Variants in FCRL5 observed in about 807,000 individuals in gnomAD.
The protein encoded by FCRL5 is Fc receptor-like protein 5.
FCRL5 carries 79 observed loss-of-function variants against 92.1 expected under a neutral mutation model. The ratio of observed to expected loss-of-function variants is 0.86; its 90% CI spans 0.72 to 1.03. The LOEUF (loss-of-function observed/expected upper bound fraction) is 1.03. Ranked by LOEUF, FCRL5 falls within the 50% of genes least tolerant of loss-of-function variation. The probability of loss-of-function intolerance (pLI) is 0.00; values close to 1 mark genes in which losing one functional copy is unlikely to be tolerated. For synonymous variants in FCRL5, 466 were observed against 469.3 expected, an observed-to-expected ratio of 0.99 and a Z score of 0.09; for missense variants, 1,160 against 1,181.1, an observed-to-expected ratio of 0.98 and a Z score of 0.26.
rs779734077 is a variant in FCRL5 at position 157,518,458 on chromosome 1, C to T, written c.2783G>A (p.Arg928Gln). ...ATGTTTCTTTTTCTCTTGGATGATC[C>T]GTACTTCTGAGTAAACCACATTTTC... ...RGENVVYSEV[R>Q]IIQEKKKHAV... The change falls in exon 15 of 17, where the codon CGG (arginine) becomes CAG (glutamine). Residue 928 changes from arginine to glutamine, a missense_variant. Arg to Gln is a conservative substitution (Grantham distance 43, BLOSUM62 1). Transcript: ENST00000361835. 1.2e-5 allele frequency: 19 copies of T among 1,613,990 alleles called. No individual in the cohort carries two copies. The highest frequency in any genetic ancestry group is 2.7e-5 in the African/African-American group (2 of 74,906).
chr1:157,519,909 G>T, intron 12 of FCRL5, 139 bp from the exon 13 acceptor site: 1 of 881,740 alleles, frequency 1.1e-6, no homozygotes, highest in South Asian at 1.5e-5. Context: ...GCCCCAGGGA[G>T]GTAGCAGATT....
In FCRL5 at chr1:157,515,378, T is replaced by G. The variant is rs980729477; in HGVS notation, c.*297A>C. 2 of 463,310 alleles carry G rather than the reference T, an allele frequency of 4.3e-6. No individual in the cohort carries two copies. The highest frequency in any genetic ancestry group is 4.3e-5 in the South Asian group (2 of 46,828). The allele number at this position is 463,310 out of a possible 1,614,324, so 28.7% of individuals were successfully genotyped here. A position where few individuals can be genotyped will look rare whatever the true frequency, so the allele number is the denominator to read the frequency against. On this transcript the variant is annotated 3_prime_UTR_variant, in exon 17 of 17. Transcript: ENST00000361835. ...TGTGGGGGTGTGATGAGAGCAGTAC[T>G]CAGAACAGCAACCACAGCTGAAGCC...
At chr1:157,536,105 C>G (rs928385964) in intron 7 of FCRL5, among the ~76,000 whole-genome samples, 1 of 151,984 alleles carries the variant, frequency 6.6e-6, no homozygotes, top group Non-Finnish European at 1.5e-5. Flanking sequence ...CCACACCTGG[C>G]TAATTTTTGT....
chr1:157,528,020 T>A, intron 8 of FCRL5, 125 bp from the exon 9 acceptor site: 1 of 1,145,676 alleles, frequency 8.7e-7, no homozygotes, highest in Non-Finnish European at 1.2e-6. Flanking sequence ...GAGGAAGAAG[T>A]CAAATTGTTG....
At chr1:157,550,771 G>A (rs1310558720) in intron 1 of FCRL5, among the ~76,000 whole-genome samples, 1 of 152,182 alleles carries the variant, frequency 6.6e-6, no homozygotes, top group East Asian at 1.9e-4. Context: ...GGAATAGAAG[G>A]ATAGAGATTT....
At position 157,545,097 on chromosome 1, in the gene FCRL5, A is replaced by G. The variant is rs775950179; in HGVS notation, c.308-15T>C. 1.4e-5 allele frequency: 22 copies of G among 1,609,456 alleles called. No individual in the cohort carries two copies. Among genetic ancestry groups the G allele is most frequent in the Admixed American group, 1.2e-4 (7 of 59,168 alleles). ...GATCAGCGAAGCTATGAGAAACACA[A>G]TAGAGTTATTTGGTTCATCCTACTG... On this transcript the variant is annotated splice_polypyrimidine_tract_variant and intron_variant, in intron 3 of 16. Transcript: ENST00000361835.
rs763930538 is a variant in FCRL5 at position 157,527,623 on chromosome 1, C to A, written c.1954G>T (p.Val652Phe). Residue 652 changes from valine to phenylalanine, a missense_variant, in exon 9 of 17, where the codon GTT becomes TTT. Coordinates refer to ENST00000361835, the MANE Select transcript of FCRL5 (RefSeq NM_031281.3). ...AQHSDTISLS[V>F]IVPVSRPILT... ...GCTGGTTAGGTCAACTTACCTATAA[C>A]ACTGAGTGATATTGTGTCACTGTGC... 6.2e-7 allele frequency: 1 copy of A among 1,604,256 alleles called. No individual in the cohort carries two copies. The highest frequency in any genetic ancestry group is 1.1e-5 in the South Asian group (1 of 89,356).
At chr1:157,530,876 A>G (rs116521078) in intron 8 of FCRL5, among the ~76,000 whole-genome samples, 2,397 of 152,342 alleles carry the variant, frequency 0.016, 49 homozygotes, top group African/African-American at 0.055. Context: ...TGAAGTATAC[A>G]AACATTTTAA....
chr1:157,519,707 T>A (rs1396322455), intron 13 of FCRL5, 36 bp downstream of exon 13: 9 of 1,607,182 alleles, frequency 5.6e-6, no homozygotes, highest in Non-Finnish European at 6.8e-6. Flanking sequence ...CTGTGGACAT[T>A]TCACTAATCA....
rs1571109893 is a variant in FCRL5 at position 157,545,035 on chromosome 1, CAG to C, written c.353_354del (p.Ser118CysfsTer15). On this transcript the variant is annotated frameshift_variant, in exon 4 of 17. Transcript: ENST00000361835. LOFTEE classifies it high-confidence loss of function. ...GCCTTTGCCCGGCACCTCAGAACCA[CAG>C]AGTCTCCTTCAAACACAGAAAGTGG... ...QAPLSVFEGD[S>X]VVLRCRAKAE... The C allele has an allele frequency of 5.6e-6, 9 of 1,613,174 alleles. No homozygotes were observed. Among genetic ancestry groups the C allele is most frequent in the African/African-American group, 1.3e-5 (1 of 75,008 alleles).
At chr1:157,519,612 C>A in intron 13 of FCRL5, 131 bp downstream of exon 13, 2 of 938,698 alleles carry the variant, frequency 2.1e-6, no homozygotes, top group African/African-American at 1.6e-5. Context: ...GGACGTACAA[C>A]AGGTAGTGGC....
At chr1:157,528,493 G>T (rs1278109321) in intron 8 of FCRL5, 1 of 152,034 alleles carries the variant, frequency 6.6e-6, no homozygotes, top group Non-Finnish European at 1.5e-5. Flanking sequence ...AAAAAAAAGA[G>T]CCTACATAGC....
At chr1:157,515,816 G>A (rs1280271555) in intron 16 of FCRL5, 26 bp downstream of exon 16, 3 of 1,613,628 alleles carry the variant, frequency 1.9e-6, no homozygotes, top group African/African-American at 1.3e-5. Flanking sequence ...GGGGGTGGGG[G>A]AGGGCATGCA....
chr1:157,534,938 T>A, intron 7 of FCRL5, 46 bp from the exon 8 acceptor site: 5 of 1,507,282 alleles, frequency 3.3e-6, no homozygotes, highest in Non-Finnish European at 4.4e-6. Context: ...TGCCTCTTAC[T>A]GTAGATTTCA....
chr1:157,539,279 G>T lies in FCRL5; in HGVS notation c.1209C>A (p.Ala403=). The change falls in exon 7 of 17, where the codon GCC becomes GCA. Residue 403 remains alanine, a synonymous_variant. Transcript: ENST00000361835. Reference sequence around the variant, plus strand: ...ACAGGATGGGGAGTGAACCTCTCTGGGCTTCACAGTGAAGTGTCACCTTGG... The same window carrying T: ...ACAGGATGGGGAGTGAACCTCTCTGTGCTTCACAGTGAAGTGTCACCTTGG... ...EGAKVTLHCE[A]QRGSLPILYQ... 6.2e-7 allele frequency: 1 copy of T among 1,614,144 alleles called. No homozygotes were observed. The highest frequency in any genetic ancestry group is 8.5e-7 in the Non-Finnish European group (1 of 1,180,010).
intron 8 of FCRL5, 100 bp from the exon 9 acceptor site, chr1:157,527,995 A>G (rs993632831): frequency 4.5e-6 from 6 of 1,325,380 alleles, no homozygotes; most frequent in East Asian, 2.4e-5. Context: ...AATAAAGGAC[A>G]TCCAAATTGG....
chr1:157,524,464 C>T lies in FCRL5; in HGVS notation c.2054G>A (p.Gly685Asp). 1 of 1,614,194 alleles carries T rather than the reference C, an allele frequency of 6.2e-7. No individual in the cohort carries two copies. Among genetic ancestry groups the T allele is most frequent in the African/African-American group, 1.3e-5 (1 of 75,054 alleles). The change falls in exon 10 of 17, where the codon GGC (glycine) becomes GAC (aspartate). Residue 685 changes from glycine (G) to aspartate (D), a missense_variant. Transcript: ENST00000361835. ...AAACCAGTACAGGATTGGGGAGGAG[C>T]CTCTCAGGGCCTCACAGTGAAGCTC... ...LLELHCEALR[G>D]SSPILYWFYH...
At chr1:157,543,710 T>G (rs1651380379) in intron 5 of FCRL5, among the ~76,000 whole-genome samples, 2 of 152,136 alleles carry the variant, frequency 1.3e-5, no homozygotes, top group African/African-American at 4.8e-5. Context: ...GTAACTACCA[T>G]AATAGCTTTG....
Position 157,544,868 on chromosome 1 carries a change from G to A in FCRL5, c.522C>T (p.Cys174=). Residue 174 remains cysteine, a synonymous_variant, in exon 4 of 17, where the codon TGC becomes TGT. Transcript: ENST00000361835. ...TTTTGACTGTATTGGAAGAAACAGG[G>A]CAACAACTTTCCTTATATCCAGTAC... is the stretch of plus-strand genomic sequence containing the variant. The part of the protein sequence containing the change: ...YRCTGYKESC[C]PVSSNTVKIQ... 1 of 1,614,178 alleles carries A rather than the reference G, an allele frequency of 6.2e-7. No individual in the cohort carries two copies. The highest frequency in any genetic ancestry group is 8.5e-7 in the Non-Finnish European group (1 of 1,180,022).
Sources: gnomAD v4.1 joint callset for allele counts (sites outside exome capture counted in the v4.1 genomes callset) on GRCh38, gnomAD v4.1.1 for gene constraint, MANE v1.5 for transcripts, NCBI Gene and HGNC (gene_info 2026-07-23, HGNC 2026-07-21) for gene names.